DLG2: variants seen among roughly 807,000 people sequenced by gnomAD.
DLG2 encodes the protein disks large homolog 2.
Under a neutral mutation model 132.5 loss-of-function variants are expected in DLG2, and 45 were observed. That is an observed-to-expected ratio of 0.34 (90% CI 0.27 to 0.44). DLG2 has a LOEUF of 0.44. Ranked by LOEUF, DLG2 falls within the 20% of genes least tolerant of loss-of-function variation. The pLI, the probability that DLG2 is intolerant of heterozygous loss-of-function variation, is 1.00. For synonymous variants in DLG2, 424 were observed against 419.6 expected (o/e 1.01, Z -0.13); for missense variants, 1,045 against 1,196.9 (o/e 0.87, Z 1.87).
intron 3 of DLG2, among the ~76,000 whole-genome samples, chr11:85,549,608 C>T (rs532548474): frequency 6.6e-6 from 1 of 152,152 alleles, no homozygotes; most frequent in African/African-American, 2.4e-5. Context: ...AAGACTGAGA[C>T]CTACTGGGCT....
chr11:84,272,305 T>C (rs1275382653), intron 7 of DLG2: 1 of 437,860 alleles, frequency 2.3e-6, no homozygotes, highest in Non-Finnish European at 4.6e-6. Flanking sequence ...TTCCAACTGT[T>C]GAAAGAAGCA....
rs746968613 is a variant in DLG2 at position 83,508,403 on chromosome 11, A to ATTTTTTTTTTTTTTTTTT, written c.2194-24193_2194-24176dup. 2.0e-4 allele frequency among the ~76,000 whole-genome samples: 16 copies of ATTTTTTTTTTTTTTTTTT among 80,198 alleles called. 4 individuals carry two copies. The highest frequency in any genetic ancestry group is 2.4e-4 in the Non-Finnish European group (11 of 45,000). 52.6% of individuals were successfully genotyped at this position (80,198 alleles called of 152,430 possible). A position where few individuals can be genotyped will look rare whatever the true frequency, so the allele number is the denominator to read the frequency against. On this transcript the variant is annotated intron_variant, in intron 21 of 27. Coordinates refer to ENST00000376104, the MANE Select transcript of DLG2 (RefSeq NM_001142699.3). ...AGGTGCACACCACCACGCCTGGCTA[A>ATTTTTTTTTTTTTTTTTT]TTTTTTTTTTTTTTTTTTTTTTAGT...
chr11:83,462,169 A>C, intron 26 of DLG2, 76 bp from the exon 27 acceptor site: 1 of 968,898 alleles, frequency 1.0e-6, no homozygotes, highest in Non-Finnish European at 1.7e-6. Flanking sequence ...TATGGCAAAA[A>C]TAAATCCTAC....
At chr11:83,484,375 G>C (rs78136287) in intron 21 of DLG2, 147 bp from the exon 22 acceptor site, 1 of 608,172 alleles carries the variant, frequency 1.6e-6, no homozygotes, top group Non-Finnish European at 2.9e-6. Context: ...GAGTTCTAAA[G>C]GTCGATTTTA....
chr11:83,599,327 G>A (rs539787911), intron 19 of DLG2, among the ~76,000 whole-genome samples: 3 of 152,190 alleles, frequency 2.0e-5, no homozygotes, highest in African/African-American at 7.2e-5. Flanking sequence ...GCTGAACCAG[G>A]TCTTGCATGA....
chr11:83,816,555 T>C (rs1222326892), intron 17 of DLG2, among the ~76,000 whole-genome samples: 1 of 152,120 alleles, frequency 6.6e-6, no homozygotes, highest in African/African-American at 2.4e-5. Flanking sequence ...GAGGTTCATA[T>C]GAGATAATAC....
intron 6 of DLG2, among the ~76,000 whole-genome samples, chr11:84,818,805 C>T (rs1439874938): frequency 6.6e-6 from 1 of 151,920 alleles, no homozygotes; most frequent in Non-Finnish European, 1.5e-5. Flanking sequence ...AAATACTCAT[C>T]TTGAGTGGCA....
At chr11:84,691,708 T>C (rs1343747499) in intron 6 of DLG2, among the ~76,000 whole-genome samples, 2 of 151,688 alleles carry the variant, frequency 1.3e-5, no homozygotes, top group Non-Finnish European at 3.0e-5. Context: ...TAGAATTACA[T>C]GTATATACGT....
intron 4 of DLG2, among the ~76,000 whole-genome samples, chr11:85,265,501 C>A (rs577574569): frequency 6.6e-6 from 1 of 152,298 alleles, no homozygotes; most frequent in South Asian, 2.1e-4. Flanking sequence ...CTCTGGCCCC[C>A]ACGACATACT....
chr11:84,768,053 T>A (rs535176317), intron 6 of DLG2, among the ~76,000 whole-genome samples: 25 of 152,276 alleles, frequency 1.6e-4, no homozygotes, highest in Middle Eastern at 6.8e-3. Context: ...CTCAGCAATG[T>A]TATGCTGGGC....
chr11:85,021,336 G>C, intron 6 of DLG2: 2 of 1,271,734 alleles, frequency 1.6e-6, no homozygotes, highest in Admixed American at 1.7e-5. Flanking sequence ...CGAAAGAAGA[G>C]CCATACATCT....
At chr11:83,786,552 G>A (rs759691383) in intron 18 of DLG2, 138 bp downstream of exon 18, 1 of 701,532 alleles carries the variant, frequency 1.4e-6, no homozygotes, top group Non-Finnish European at 2.4e-6. Flanking sequence ...CTTTGGACAT[G>A]AACCATCAAT....
At chr11:84,496,581 A>G (rs1219031090) in intron 7 of DLG2, among the ~76,000 whole-genome samples, 11 of 152,166 alleles carry the variant, frequency 7.2e-5, no homozygotes, top group African/African-American at 1.9e-4. Flanking sequence ...CAACAAGAAC[A>G]TTTTTATTCA....
Position 83,546,220 on chromosome 11 carries a change from G to A in DLG2, c.1941-4362C>T, listed in dbSNP as rs574830802. On this transcript the variant is annotated intron_variant, in intron 19 of 27. Coordinates refer to ENST00000376104, the MANE Select transcript of DLG2 (RefSeq NM_001142699.3). ...TACCTGGGTACCCTAACAAAATAGTGCTTTTTAGGTGTCGCACAATGTAGT... is the reference window on the plus strand; with the variant it reads ...TACCTGGGTACCCTAACAAAATAGTACTTTTTAGGTGTCGCACAATGTAGT... Among the ~76,000 whole-genome samples the A allele has an allele frequency of 2.9e-4, 44 of 152,172 alleles. 1 individual carries two copies. Among genetic ancestry groups the A allele is most frequent in the Non-Finnish European group, 5.9e-5 (4 of 67,990 alleles).
chr11:85,342,216 A>G (rs1193538251), intron 3 of DLG2, among the ~76,000 whole-genome samples: 1 of 152,204 alleles, frequency 6.6e-6, no homozygotes, highest in East Asian at 1.9e-4. Context: ...CTCTGTTGTA[A>G]TAACACTTAG....
At chr11:85,038,153 G>A (rs1462655557) in intron 6 of DLG2, among the ~76,000 whole-genome samples, 3 of 152,086 alleles carry the variant, frequency 2.0e-5, no homozygotes, top group African/African-American at 7.2e-5. Context: ...TAGACCTCAT[G>A]ATTCAGTTCA....
chr11:85,074,106 G>C (rs2066216081), intron 6 of DLG2, among the ~76,000 whole-genome samples: 1 of 151,682 alleles, frequency 6.6e-6, no homozygotes, highest in Admixed American at 6.6e-5. Flanking sequence ...TGGAGAGTAG[G>C]AGGAAGGTGA....
chr11:85,107,324 T>C (rs551688052), intron 6 of DLG2, among the ~76,000 whole-genome samples: 10 of 152,186 alleles, frequency 6.6e-5, no homozygotes, highest in South Asian at 2.1e-4. Flanking sequence ...GCATGTCTAA[T>C]TGATAAAACC....
At position 84,059,343 on chromosome 11, in the gene DLG2, C is replaced by T. The variant is rs139431012; in HGVS notation, c.891G>A (p.Val297=). The change falls in exon 11 of 28, where the codon GTG becomes GTA. Residue 297 remains valine (V), a synonymous_variant. Transcript: ENST00000376104. ...RRRRPILETV[V]EIKLFKGPKG... is the part of the protein sequence containing the mutation. ...TAGGGCCTTTGAACAGTTTGATTTCCACAACGGTCTCCAAAATAGGTCGTC... is the reference window on the plus strand; with the variant it reads ...TAGGGCCTTTGAACAGTTTGATTTCTACAACGGTCTCCAAAATAGGTCGTC... 5.0e-6 allele frequency: 8 copies of T among 1,613,272 alleles called. 1 individual carries two copies. Among genetic ancestry groups the T allele is most frequent in the Middle Eastern group, 1.6e-4 (1 of 6,078 alleles).
Sources: allele counts gnomAD v4.1 joint callset (sites outside exome capture counted in the v4.1 genomes callset), GRCh38; gene constraint gnomAD v4.1.1; transcripts MANE v1.5; gene names NCBI Gene and HGNC (gene_info 2026-07-23, HGNC 2026-07-21).